The following TMEM131 variants were observed in gnomAD, a reference collection of about 807,000 sequenced individuals.
TMEM131 encodes the protein transmembrane protein 131, also known as 2610524E03Rik.
Under a neutral mutation model 211.6 loss-of-function variants are expected in TMEM131, and 66 were observed. That is an observed-to-expected ratio of 0.31 (90% confidence interval 0.26 to 0.38). The LOEUF is 0.38. Among genes scored for constraint, TMEM131 ranks in the 10% least tolerant of loss-of-function variants. The pLI is 1.00. For missense variants in TMEM131, 2,036 were observed against 2,299.3 expected, an observed-to-expected ratio of 0.89 and a Z score of 2.34; for synonymous variants, 844 against 841.3, an observed-to-expected ratio of 1.00 and a Z score of -0.06.
chr2:97,851,774 C>T (rs889210519), intron 5 of TMEM131, among the ~76,000 whole-genome samples: 1 of 152,216 alleles, frequency 6.6e-6, no homozygotes, highest in African/African-American at 2.4e-5. Flanking sequence ...GTTCTCATTG[C>T]TCCACCAACT....
chr2:97,975,743 G>C (rs1679501387), intron 1 of TMEM131, among the ~76,000 whole-genome samples: 1 of 144,270 alleles, frequency 6.9e-6, no homozygotes, highest in Non-Finnish European at 1.5e-5. Context: ...AATTAAAAAG[G>C]AAAAACACAT....
chr2:97,835,076 C>T (rs1682876668), intron 8 of TMEM131, among the ~76,000 whole-genome samples, 151 bp from the exon 9 acceptor site: 1 of 152,092 alleles, frequency 6.6e-6, no homozygotes, highest in Non-Finnish European at 1.5e-5. Flanking sequence ...CAATATGTAA[C>T]ACACACTCCA....
intron 7 of TMEM131, among the ~76,000 whole-genome samples, chr2:97,839,262 G>C (rs1683080626): frequency 6.6e-6 from 1 of 152,106 alleles, no homozygotes; most frequent in South Asian, 2.1e-4. Flanking sequence ...GGGAGGTCAA[G>C]ACTGCAGTAA....
intron 5 of TMEM131, among the ~76,000 whole-genome samples, chr2:97,848,131 A>G (rs781419642): frequency 8.5e-5 from 13 of 152,230 alleles, no homozygotes; most frequent in Admixed American, 1.3e-4. Flanking sequence ...AACATAGTGA[A>G]GAGTCCAAAA....
intron 1 of TMEM131, among the ~76,000 whole-genome samples, chr2:97,986,790 A>C (rs1361906040): frequency 6.6e-6 from 1 of 152,264 alleles, no homozygotes; most frequent in Non-Finnish European, 1.5e-5. Flanking sequence ...AATCCATAGA[A>C]GCATTTCTAA....
At chr2:97,969,997 C>T (rs1489632174) in intron 1 of TMEM131, among the ~76,000 whole-genome samples, 2 of 152,162 alleles carry the variant, frequency 1.3e-5, no homozygotes, top group Admixed American at 1.3e-4. Context: ...CCATTCCATT[C>T]CATTCTCCTT....
rs1679496215 is a variant in TMEM131 at position 97,772,149 on chromosome 2, CAA to C, written c.4448+146_4448+147del. 44 of 890,262 alleles carry C rather than the reference CAA, an allele frequency of 4.9e-5. No homozygotes were observed. The South Asian group carries it at 6.4e-4, about 13-fold the overall frequency. 55.1% of individuals were successfully genotyped at this position (890,262 alleles called of 1,614,324 possible). On this transcript the variant is annotated intron_variant, in intron 33 of 40. Transcript: ENST00000186436. ...TACATATCAGGTGACAGAAAAATCC[CAA>C]GAGGAATGTGACGTAGCACCTGGAT...
chr2:97,940,016 C>T (rs1677642002), intron 1 of TMEM131, among the ~76,000 whole-genome samples: 1 of 152,124 alleles, frequency 6.6e-6, no homozygotes, highest in African/African-American at 2.4e-5. Context: ...ATTGATGGGA[C>T]ATATCTCAAA....
chr2:97,921,137 C>T (rs1351509644), intron 2 of TMEM131, among the ~76,000 whole-genome samples: 1 of 152,128 alleles, frequency 6.6e-6, no homozygotes, highest in Non-Finnish European at 1.5e-5. Flanking sequence ...GTCATTAAAA[C>T]GGTGACCCTG....
At chr2:97,843,464 T>G (rs1683291626) in intron 6 of TMEM131, among the ~76,000 whole-genome samples, 1 of 152,154 alleles carries the variant, frequency 6.6e-6, no homozygotes, top group Non-Finnish European at 1.5e-5. Context: ...GCCTCCCGAG[T>G]AGCTGAGACT....
rs11378393 is a variant in TMEM131 at position 97,831,664 on chromosome 2, C to CTTTTTT, written c.1074+1695_1074+1700dup. ...ATATACTTTCATGTTTCACATACCTCTTTTTTTTTTTTTTTTTTTTTTTTT... is the reference window on the plus strand; with the variant it reads ...ATATACTTTCATGTTTCACATACCTCTTTTTTTTTTTTTTTTTTTTTTTTTTTTTTT... On this transcript the variant is annotated intron_variant, in intron 11 of 40. Transcript: ENST00000186436. Among the ~76,000 whole-genome samples the CTTTTTT allele has an allele frequency of 5.6e-3, 450 of 80,620 alleles. 30 individuals carry two copies. Among genetic ancestry groups the CTTTTTT allele is most frequent in the African/African-American group, 7.5e-3 (148 of 19,786 alleles). 52.9% of individuals were successfully genotyped at this position (80,620 alleles called of 152,430 possible).
In TMEM131 at chr2:97,995,539, G is replaced by C. The variant is rs1294010516; in HGVS notation, c.124C>G (p.Leu42Val). The stretch of plus-strand genomic sequence containing the variant: ...ATCACCAGGTGCAGCGCGCCTAGGA[G>C]GCCGGCGGCCGCGCTCCGCGGGCCC... ...SGGPRSAAAGLLGALHLVMTL... is the reference protein window; with the variant it reads ...SGGPRSAAAGVLGALHLVMTL... Residue 42 changes from leucine to valine, a missense_variant, in exon 1 of 41, where the codon CTC (leucine) becomes GTC (valine). Physicochemically the swap from Leu to Val is conservative, Grantham distance 32. This residue lies in a region of TMEM131 where 136 missense variants were observed against 115.4 expected (regional missense o/e 1.18). Transcript: ENST00000186436. 3 of 1,344,770 alleles carry C rather than the reference G, an allele frequency of 2.2e-6. No homozygotes were observed. The highest frequency in any genetic ancestry group is 2.9e-6 in the Non-Finnish European group (3 of 1,043,582). The allele number at this position is 1,344,770 out of a possible 1,614,324, so 83.3% of individuals were successfully genotyped here.
chr2:97,759,407 C>G, intron 39 of TMEM131: 1 of 534,290 alleles, frequency 1.9e-6, no homozygotes. Context: ...TGAAGCCCTT[C>G]AATACCCGCC....
chr2:97,765,645 AAAT>A (rs1198222933), intron 35 of TMEM131, among the ~76,000 whole-genome samples: 5 of 152,246 alleles, frequency 3.3e-5, no homozygotes, highest in Admixed American at 2.6e-4. Flanking sequence ...GTAGTGAGAA[AAAT>A]AATGAAACCT....
At chr2:97,916,262 T>A (rs1240109246) in intron 2 of TMEM131, among the ~76,000 whole-genome samples, 1 of 152,240 alleles carries the variant, frequency 6.6e-6, no homozygotes, top group Non-Finnish European at 1.5e-5. Context: ...TTGTACCACT[T>A]ATTGTACTAC....
intron 35 of TMEM131, 52 bp downstream of exon 35, chr2:97,766,062 G>C (rs1035707036): frequency 1.9e-6 from 3 of 1,604,226 alleles, no homozygotes; most frequent in Admixed American, 1.7e-5. Flanking sequence ...GCCCAGAGTG[G>C]GGTGGATTGT....
chr2:97,934,346 A>G (rs1677354606), intron 1 of TMEM131, among the ~76,000 whole-genome samples: 1 of 152,196 alleles, frequency 6.6e-6, no homozygotes, highest in Non-Finnish European at 1.5e-5. Flanking sequence ...ACTGAAATAT[A>G]CAAAATGCTG....
In TMEM131 at chr2:97,995,903, C is replaced by T. The variant is rs565947577; in HGVS notation, c.-241G>A. ...CAGTCGGAGCGGAGAGGCCGCGGGTCAGGCGCGGCGGGCGGCCATACTGGA... is the reference window on the plus strand; with the variant it reads ...CAGTCGGAGCGGAGAGGCCGCGGGTTAGGCGCGGCGGGCGGCCATACTGGA... On this transcript the variant is annotated 5_prime_UTR_variant, in exon 1 of 41. An upstream open reading frame in the 5' UTR loses its in-frame stop. Transcript: ENST00000186436. 9 of 220,506 alleles carry T rather than the reference C, an allele frequency of 4.1e-5. No homozygotes were observed. Among genetic ancestry groups the T allele is most frequent in the African/African-American group, 2.1e-4 (9 of 43,294 alleles). The allele number at this position is 220,506 out of a possible 1,614,324, so 13.7% of individuals were successfully genotyped here.
At chr2:97,969,219 A>G (rs546919393) in intron 1 of TMEM131, among the ~76,000 whole-genome samples, 2 of 152,334 alleles carry the variant, frequency 1.3e-5, no homozygotes, top group Middle Eastern at 3.4e-3. Flanking sequence ...TTTATCTTCA[A>G]TTGTACAAAA....
Sources: allele counts gnomAD v4.1 joint callset (sites outside exome capture counted in the v4.1 genomes callset), GRCh38; gene constraint gnomAD v4.1.1; regional missense constraint gnomAD v4.1.1; transcripts MANE v1.5; gene names NCBI Gene and HGNC (gene_info 2026-07-23, HGNC 2026-07-21).